EFCAB13: variants seen among roughly 807,000 people sequenced by gnomAD.
EFCAB13 encodes EF-hand calcium-binding domain-containing protein 13.
EFCAB13 carries 91 observed loss-of-function variants against 110.2 expected under a neutral mutation model. That is an observed-to-expected ratio of 0.83 (90% CI 0.70 to 0.98). EFCAB13 has a LOEUF of 0.98. EFCAB13 is among the 50% of genes least tolerant of loss of function. The probability of loss-of-function intolerance (pLI) is 0.00; values close to 1 mark genes in which losing one functional copy is unlikely to be tolerated. For synonymous variants in EFCAB13, 323 were observed against 369.9 expected (o/e 0.87, Z 1.45); for missense variants, 968 against 1,119.4 (o/e 0.86, Z 1.93).
intron 14 of EFCAB13, among the ~76,000 whole-genome samples, chr17:47,384,031 T>A (rs1444779350): frequency 2.6e-5 from 4 of 152,178 alleles, no homozygotes; most frequent in Non-Finnish European, 5.9e-5. Context: ...CTGCATTGGG[T>A]GCATATATAT....
chr17:47,424,222 G>T (rs1179785131), intron 23 of EFCAB13, among the ~76,000 whole-genome samples: 3 of 152,210 alleles, frequency 2.0e-5, no homozygotes, highest in Admixed American at 6.5e-5. Context: ...GTGCAGGGGG[G>T]CTGCGGGGAC....
At chr17:47,398,205 T>A (rs1228785643) in intron 17 of EFCAB13, among the ~76,000 whole-genome samples, 1 of 133,710 alleles carries the variant, frequency 7.5e-6, no homozygotes, top group Non-Finnish European at 1.6e-5. Context: ...GGAGCCCCTC[T>A]GCCCGGCCAG....
At chr17:47,420,670 C>T (rs1464288735) in intron 23 of EFCAB13, among the ~76,000 whole-genome samples, 1 of 149,466 alleles carries the variant, frequency 6.7e-6, no homozygotes, top group South Asian at 2.1e-4. Flanking sequence ...GCGTCTCTGC[C>T]CGGCCGCCCC....
chr17:47,357,129 G>A (rs1017687219), intron 9 of EFCAB13, among the ~76,000 whole-genome samples: 1 of 152,152 alleles, frequency 6.6e-6, no homozygotes, highest in Non-Finnish European at 1.5e-5. Context: ...CGGTGAGCAG[G>A]GATGAGAGCT....
At chr17:47,423,204 T>C (rs897582983) in intron 23 of EFCAB13, among the ~76,000 whole-genome samples, 5 of 152,130 alleles carry the variant, frequency 3.3e-5, no homozygotes, top group African/African-American at 1.2e-4. Flanking sequence ...ATTATTACAT[T>C]GTATCAATGT....
At chr17:47,346,300 A>G (rs1280024331) in intron 8 of EFCAB13, among the ~76,000 whole-genome samples, 2 of 151,942 alleles carry the variant, frequency 1.3e-5, no homozygotes, top group Non-Finnish European at 2.9e-5. Flanking sequence ...ATTCTGTAGT[A>G]TTTGTCCTTC....
chr17:47,402,098 G>A (rs776441527), intron 17 of EFCAB13, 34 bp from the exon 18 acceptor site: 6 of 1,577,738 alleles, frequency 3.8e-6, no homozygotes, highest in Non-Finnish European at 4.4e-6. Context: ...TTTGCGTAAT[G>A]AGGTTGGTCT....
At chr17:47,350,823 T>G (rs1457557813) in intron 9 of EFCAB13, among the ~76,000 whole-genome samples, 1 of 152,154 alleles carries the variant, frequency 6.6e-6, no homozygotes, top group Non-Finnish European at 1.5e-5. Flanking sequence ...ACATGAAATC[T>G]GTGGTGTTCA....
At chr17:47,415,820 A>G (rs1054396113) in intron 23 of EFCAB13, among the ~76,000 whole-genome samples, 1 of 151,932 alleles carries the variant, frequency 6.6e-6, no homozygotes, top group Admixed American at 6.6e-5. Context: ...CACACTATCT[A>G]TGTTGCCTAA....
At chr17:47,389,381 A>G (rs971432921) in intron 14 of EFCAB13, among the ~76,000 whole-genome samples, 1 of 152,102 alleles carries the variant, frequency 6.6e-6, no homozygotes, top group Non-Finnish European at 1.5e-5. Flanking sequence ...GCATTGTGTG[A>G]GTTCAAGCAA....
chr17:47,427,428 T>C (rs893011620), intron 23 of EFCAB13, among the ~76,000 whole-genome samples: 2 of 152,088 alleles, frequency 1.3e-5, no homozygotes, highest in African/African-American at 4.8e-5. Context: ...TATCCAGGCA[T>C]TGGAATCCTT....
Position 47,412,821 on chromosome 17 carries a change from T to C in EFCAB13, c.2327T>C (p.Ile776Thr). The change falls in exon 22 of 25, where the codon ATT becomes ACT. Residue 776 changes from isoleucine to threonine, a missense_variant. By Grantham distance (89) the Ile-to-Thr change is moderately conservative (BLOSUM62 -1). Coordinates refer to ENST00000331493, the MANE Select transcript of EFCAB13 (RefSeq NM_152347.5). ...NILSHVDNGK[I>T]GIPDLEHALK... ...TTGTCACATGTCGATAATGGCAAGATTGGTATACCTGATTTGGAGCATGCC... is the reference window on the plus strand; with the variant it reads ...TTGTCACATGTCGATAATGGCAAGACTGGTATACCTGATTTGGAGCATGCC... 1 of 1,613,826 alleles carries C rather than the reference T, an allele frequency of 6.2e-7. No homozygotes were observed. Among genetic ancestry groups the C allele is most frequent in the South Asian group, 1.1e-5 (1 of 91,056 alleles).
chr17:47,415,236 A>G (rs1904399757), intron 23 of EFCAB13, among the ~76,000 whole-genome samples: 1 of 148,140 alleles, frequency 6.8e-6, no homozygotes, highest in African/African-American at 2.5e-5. Context: ...GGGGACTGTT[A>G]TGGGGTGGGG....
At chr17:47,335,386 T>C (rs772018645) in intron 5 of EFCAB13, 30 bp downstream of exon 5, 6 of 1,545,878 alleles carry the variant, frequency 3.9e-6, no homozygotes, top group Non-Finnish European at 5.2e-6. Context: ...CTTACTTTAT[T>C]GAATTATACT....
chr17:47,420,093 G>C (rs919645512), intron 23 of EFCAB13, among the ~76,000 whole-genome samples: 3 of 152,070 alleles, frequency 2.0e-5, no homozygotes, highest in African/African-American at 4.8e-5. Flanking sequence ...AATTGCAGGC[G>C]CACGCCGCCA....
At chr17:47,402,369 A>T (rs903395448) in intron 18 of EFCAB13, among the ~76,000 whole-genome samples, 166 bp downstream of exon 18, 1 of 152,220 alleles carries the variant, frequency 6.6e-6, no homozygotes, top group Non-Finnish European at 1.5e-5. Context: ...TGGCTGGCAT[A>T]TAGGAACTTG....
chr17:47,374,666 A>G lies in EFCAB13; in HGVS notation c.1072A>G (p.Lys358Glu). Residue 358 changes from lysine (K) to glutamate (E), a missense_variant, in exon 12 of 25, where the codon AAA (lysine) becomes GAA (glutamate). By Grantham distance (56) the Lys-to-Glu change is moderately conservative (BLOSUM62 1). Coordinates refer to ENST00000331493, the MANE Select transcript of EFCAB13 (RefSeq NM_152347.5). ...TATGGAGAATGATGACCTTGAATCTAAAAGACCAAAAAATACTTGGCAAAT... is the reference window on the plus strand; with the variant it reads ...TATGGAGAATGATGACCTTGAATCTGAAAGACCAAAAAATACTTGGCAAAT... ...KIMENDDLES[K>E]RPKNTWQIRK... 1.9e-6 allele frequency: 3 copies of G among 1,611,370 alleles called. No homozygotes were observed. The African/African-American group carries it at 4.0e-5, about 22-fold the overall frequency.
At chr17:47,383,576 G>A (rs905145252) in intron 14 of EFCAB13, among the ~76,000 whole-genome samples, 1 of 152,180 alleles carries the variant, frequency 6.6e-6, no homozygotes, top group Non-Finnish European at 1.5e-5. Context: ...CAGTTTCCAT[G>A]TAGCTGTTTG....
At chr17:47,329,084 T>C (rs539089877) in intron 4 of EFCAB13, 1 of 152,190 alleles carries the variant, frequency 6.6e-6, no homozygotes, top group African/African-American at 2.4e-5. Context: ...GATAAGTAGA[T>C]TGGAGAGTAT....
Sources: allele counts gnomAD v4.1 joint callset (sites outside exome capture counted in the v4.1 genomes callset), GRCh38; gene constraint gnomAD v4.1.1; transcripts MANE v1.5; gene names NCBI Gene and HGNC (gene_info 2026-07-23, HGNC 2026-07-21).